Variants in ANKS1B observed in about 807,000 individuals in gnomAD.
The protein encoded by ANKS1B is ankyrin repeat and sterile alpha motif domain containing 1B.
A neutral mutation model predicts 148.3 loss-of-function variants in ANKS1B; 36 were observed. The ratio of observed to expected loss-of-function variants is 0.24; its 90% CI spans 0.19 to 0.32. The LOEUF is 0.32. ANKS1B is among the 10% of genes least tolerant of loss of function. The pLI is 1.00. For synonymous variants in ANKS1B, 542 were observed against 560.8 expected (o/e 0.97, Z 0.47); for missense variants, 1,157 against 1,542.6 (o/e 0.75, Z 4.19).
intron 1 of ANKS1B, among the ~76,000 whole-genome samples, chr12:99,929,373 G>A (rs1202133522): frequency 6.6e-6 from 1 of 151,998 alleles, no homozygotes; most frequent in African/African-American, 2.4e-5. Context: ...ATTTGTTTGA[G>A]TTCATTGTAG....
At chr12:99,505,600 T>C (rs2096703106) in intron 9 of ANKS1B, among the ~76,000 whole-genome samples, 1 of 148,760 alleles carries the variant, frequency 6.7e-6, no homozygotes, top group Non-Finnish European at 1.5e-5. Context: ...ATCTACTATA[T>C]ATATGTAGAA....
chr12:98,989,471 T>C (rs2099925288), intron 17 of ANKS1B, among the ~76,000 whole-genome samples: 1 of 152,216 alleles, frequency 6.6e-6, no homozygotes, highest in Non-Finnish European at 1.5e-5. Context: ...GGTTTACGTG[T>C]CTATTTTTAT....
intron 1 of ANKS1B, among the ~76,000 whole-genome samples, chr12:99,961,378 G>A (rs536774022): frequency 9.2e-5 from 14 of 152,156 alleles, no homozygotes; most frequent in Non-Finnish European, 1.5e-4. Context: ...AAATCGCTGA[G>A]GTAATAAACA....
intron 8 of ANKS1B, among the ~76,000 whole-genome samples, chr12:99,691,613 A>T (rs986677817): frequency 6.6e-6 from 1 of 152,140 alleles, no homozygotes; most frequent in African/African-American, 2.4e-5. Flanking sequence ...ATCTGAGACC[A>T]CCTCAGCCTG....
At chr12:99,468,334 C>T (rs1017591561) in intron 10 of ANKS1B, among the ~76,000 whole-genome samples, 5 of 152,268 alleles carry the variant, frequency 3.3e-5, no homozygotes, top group African/African-American at 1.2e-4. Context: ...ACCATAAAAA[C>T]CCTAGAAGAA....
chr12:99,008,906 G>T (rs538657702), intron 17 of ANKS1B, among the ~76,000 whole-genome samples: 3 of 152,134 alleles, frequency 2.0e-5, no homozygotes, highest in Admixed American at 6.5e-5. Flanking sequence ...GGGTGGCAGG[G>T]TTGAAGGTGA....
intron 9 of ANKS1B, among the ~76,000 whole-genome samples, chr12:99,549,560 G>T (rs188602750): frequency 2.6e-5 from 4 of 152,046 alleles, no homozygotes; most frequent in African/African-American, 9.7e-5. Context: ...TTCAACAAGT[G>T]CTTGTCCAAC....
At chr12:99,046,343 G>C (rs570524098) in intron 17 of ANKS1B, among the ~76,000 whole-genome samples, 6 of 151,928 alleles carry the variant, frequency 3.9e-5, no homozygotes, top group African/African-American at 1.2e-4. Flanking sequence ...TACCAGACAT[G>C]CAAAAAAACA....
At chr12:99,627,307 G>A (rs1022670173) in intron 9 of ANKS1B, among the ~76,000 whole-genome samples, 1 of 152,122 alleles carries the variant, frequency 6.6e-6, no homozygotes, top group Non-Finnish European at 1.5e-5. Context: ...TGATAGAGTA[G>A]TAATTAAAAC....
At chr12:99,359,450 A>C (rs2092311311) in intron 12 of ANKS1B, among the ~76,000 whole-genome samples, 1 of 152,134 alleles carries the variant, frequency 6.6e-6, no homozygotes, top group African/African-American at 2.4e-5. Context: ...ATTGAAAGAA[A>C]TATTTGTAGT....
rs1017666915 is a variant in ANKS1B, at chr12:99,932,924, T to C, written c.134+51180A>G. On this transcript the variant is annotated intron_variant, in intron 1 of 26. Transcript: ENST00000683438. ...GGGTCTTAAAGTCTTTAATCCATTC[T>C]GATTTGATTTTTTTAGATGGCAAGA... Among the ~76,000 whole-genome samples, 4 of 152,296 alleles carry C rather than the reference T, an allele frequency of 2.6e-5. No homozygotes were observed. In the South Asian group the frequency reaches 8.3e-4, roughly 32 times the overall value.
At chr12:99,691,887 A>T (rs1446683887) in intron 8 of ANKS1B, among the ~76,000 whole-genome samples, 1 of 152,174 alleles carries the variant, frequency 6.6e-6, no homozygotes, top group Non-Finnish European at 1.5e-5. Flanking sequence ...TTTTTAAATC[A>T]TGAAGTGTGT....
At chr12:98,795,630 T>C (rs1463616631) in intron 22 of ANKS1B, 1 of 451,368 alleles carries the variant, frequency 2.2e-6, no homozygotes, top group Non-Finnish European at 4.4e-6. Context: ...GGGTACAACA[T>C]CTGTTTATTA....
chr12:99,535,604 A>T (rs2097057517), intron 9 of ANKS1B, among the ~76,000 whole-genome samples: 1 of 152,074 alleles, frequency 6.6e-6, no homozygotes, highest in South Asian at 2.1e-4. Flanking sequence ...TTCATTTTCC[A>T]TTCAACTGTA....
intron 4 of ANKS1B, among the ~76,000 whole-genome samples, chr12:99,788,276 G>A (rs1395530120): frequency 4.6e-5 from 7 of 152,174 alleles, no homozygotes; most frequent in African/African-American, 1.7e-4. Flanking sequence ...ACTTTGTCTT[G>A]CATCTTAGAT....
intron 8 of ANKS1B, among the ~76,000 whole-genome samples, chr12:99,714,255 C>A (rs1335353226): frequency 3.3e-5 from 4 of 122,824 alleles, no homozygotes; most frequent in Non-Finnish European, 7.4e-5. Context: ...CTCATGCCTT[C>A]TTCTCATAAG....
intron 10 of ANKS1B, among the ~76,000 whole-genome samples, chr12:99,468,238 G>A (rs1465749244): frequency 1.3e-5 from 2 of 152,158 alleles, no homozygotes; most frequent in African/African-American, 4.8e-5. Flanking sequence ...CTAGCCATAT[G>A]TAGAAAGCTG....
Position 99,500,865 on chromosome 12 carries a change from T to G in ANKS1B, c.1438+3611A>C, listed in dbSNP as rs536131140. Among the ~76,000 whole-genome samples the G allele has an allele frequency of 3.3e-5, 5 of 152,296 alleles. No homozygotes were observed. In the East Asian group the frequency reaches 9.6e-4, roughly 29 times the overall value. ...CTTTCTTCTCCTCTGGAACTTTGAT[T>G]AGACGAGAAAACTTTGCAGTATATC... On this transcript the variant is annotated intron_variant, in intron 10 of 26. Transcript: ENST00000683438.
intron 9 of ANKS1B, among the ~76,000 whole-genome samples, chr12:99,565,464 G>A (rs868475537): frequency 1.3e-5 from 2 of 152,134 alleles, no homozygotes; most frequent in Non-Finnish European, 2.9e-5. Flanking sequence ...GGGGGAAAAT[G>A]AAAAGTAAAA....
Sources: gnomAD v4.1 joint callset for allele counts (sites outside exome capture counted in the v4.1 genomes callset) on GRCh38, gnomAD v4.1.1 for gene constraint, MANE v1.5 for transcripts, NCBI Gene and HGNC (gene_info 2026-07-23, HGNC 2026-07-21) for gene names.